The following PPP6C variants were observed in gnomAD, a reference collection of about 807,000 sequenced individuals.
PPP6C encodes serine/threonine-protein phosphatase 6 catalytic subunit.
A neutral mutation model predicts 39.8 loss-of-function variants in PPP6C; 11 were observed. The ratio of observed to expected loss-of-function variants is 0.28; its 90% CI spans 0.17 to 0.46. PPP6C has a LOEUF of 0.46. PPP6C is among the 20% of genes least tolerant of loss of function. The pLI, the probability that PPP6C is intolerant of heterozygous loss-of-function variation, is 1.00. For missense variants in PPP6C, 211 were observed against 373.9 expected (o/e 0.56, Z 3.59); for synonymous variants, 129 against 130.3 (o/e 0.99, Z 0.07).
Position 125,189,742 on chromosome 9 carries a change from A to ACAGCGGCGGCGGCGGCTGTAGCAG in PPP6C, c.-48_-25dup, listed in dbSNP as rs760919683. 1.9e-6 allele frequency: 3 copies of ACAGCGGCGGCGGCGGCTGTAGCAG among 1,563,140 alleles called. No individual in the cohort carries two copies. Among genetic ancestry groups the ACAGCGGCGGCGGCGGCTGTAGCAG allele is most frequent in the East Asian group, 4.8e-5 (2 of 41,498 alleles). On this transcript the variant is annotated 5_prime_UTR_variant, in exon 1 of 7. Coordinates refer to ENST00000373547, the MANE Select transcript of PPP6C (RefSeq NM_002721.5). ...ATTTTAAGAATAACAAGCCGCGGCAACAGCGGCGGCGGCGGCTGTAGCAGC... is the reference window on the plus strand; with the variant it reads ...ATTTTAAGAATAACAAGCCGCGGCAACAGCGGCGGCGGCGGCTGTAGCAGCAGCGGCGGCGGCGGCTGTAGCAGC...
chr9:125,189,547 G>A (rs772796402), intron 1 of PPP6C, 97 bp downstream of exon 1: 17 of 1,574,534 alleles, frequency 1.1e-5, no homozygotes, highest in East Asian at 2.3e-5. Flanking sequence ...CCTCCACCGC[G>A]ACTGGACTGG....
chr9:125,158,639 G>GAA (rs148987834), intron 3 of PPP6C, among the ~76,000 whole-genome samples: 23 of 145,148 alleles, frequency 1.6e-4, no homozygotes, highest in East Asian at 1.2e-3. Flanking sequence ...AACTTTCCCT[G>GAA]AAAAAAAAAA....
At chr9:125,174,418 T>C (rs574634289) in intron 1 of PPP6C, among the ~76,000 whole-genome samples, 49 of 149,864 alleles carry the variant, frequency 3.3e-4, no homozygotes, top group Non-Finnish European at 6.2e-4. Context: ...ATAAAATGAT[T>C]TGCCTTCATT....
chr9:125,167,395 A>G (rs1278423610), intron 2 of PPP6C, among the ~76,000 whole-genome samples: 4 of 146,750 alleles, frequency 2.7e-5, no homozygotes, highest in East Asian at 2.1e-4. Context: ...AAAAAAAAAA[A>G]AAAAGAAATA....
rs139783239 is a variant in PPP6C, at chr9:125,172,095, C to T, written c.76-915G>A. On this transcript the variant is annotated intron_variant, in intron 1 of 6. Coordinates refer to ENST00000373547, the MANE Select transcript of PPP6C (RefSeq NM_002721.5). ...AATACTACTCAGCAATAAAAAGAAA[C>T]GAATACTGCCACACAACAACCTGGA... 3.6e-5 allele frequency: 13 copies of T among 356,680 alleles called. No homozygotes were observed. The East Asian group carries it at 7.0e-4, about 19-fold the overall frequency. The allele number at this position is 356,680 out of a possible 1,614,324, so 22.1% of individuals were successfully genotyped here.
At chr9:125,187,757 A>G (rs1829560824) in intron 1 of PPP6C, among the ~76,000 whole-genome samples, 1 of 151,966 alleles carries the variant, frequency 6.6e-6, no homozygotes, top group African/African-American at 2.4e-5. Flanking sequence ...TTGGGTCCCA[A>G]TGCTAGTTGT....
rs1489640761 is a variant in PPP6C at position 125,147,739 on chromosome 9, G to A, written c.*1934C>T. ...AAGGAGTGTCAAACAGGGAGGGCTGGGAGTTACCGGTTCTATTAGTACAAC... is the reference window on the plus strand; with the variant it reads ...AAGGAGTGTCAAACAGGGAGGGCTGAGAGTTACCGGTTCTATTAGTACAAC... On this transcript the variant is annotated 3_prime_UTR_variant, in exon 7 of 7. Coordinates refer to ENST00000373547, the MANE Select transcript of PPP6C (RefSeq NM_002721.5). 6.6e-6 allele frequency: 1 copy of A among 151,988 alleles called. No homozygotes were observed. The highest frequency in any genetic ancestry group is 2.4e-5 in the African/African-American group (1 of 41,358). 9.4% of individuals were successfully genotyped at this position (151,988 alleles called of 1,614,324 possible).
intron 6 of PPP6C, chr9:125,150,769 G>C (rs1416783470): frequency 1.4e-6 from 1 of 721,172 alleles, no homozygotes; most frequent in Non-Finnish European, 2.5e-6. Flanking sequence ...TAGGAGACCT[G>C]TGTGGAAATT....
chr9:125,177,961 T>G (rs183501372), intron 1 of PPP6C, among the ~76,000 whole-genome samples: 8 of 152,312 alleles, frequency 5.3e-5, no homozygotes, highest in African/African-American at 1.9e-4. Context: ...GGTTCTTCCA[T>G]GTCTTTTTAT....
chr9:125,184,823 T>C (rs925223093), intron 1 of PPP6C, among the ~76,000 whole-genome samples: 1 of 151,192 alleles, frequency 6.6e-6, no homozygotes. Context: ...AAAATATATA[T>C]ATACAAAAAT....
chr9:125,188,327 G>A (rs1384597014), intron 1 of PPP6C, among the ~76,000 whole-genome samples: 2 of 152,134 alleles, frequency 1.3e-5, no homozygotes, highest in Admixed American at 1.3e-4. Flanking sequence ...GGAGGTTGCA[G>A]TGAGCCGAGA....
intron 2 of PPP6C, among the ~76,000 whole-genome samples, chr9:125,168,640 G>C (rs1829077025): frequency 6.6e-6 from 1 of 151,772 alleles, no homozygotes; most frequent in Non-Finnish European, 1.5e-5. Context: ...TGTATTTTTA[G>C]TAGAGACGGG....
chr9:125,168,323 A>C (rs1471757018), intron 2 of PPP6C, among the ~76,000 whole-genome samples: 1 of 152,206 alleles, frequency 6.6e-6, no homozygotes. Context: ...ATGTTTATTC[A>C]TACTCATAAC....
Position 125,171,476 on chromosome 9 carries a change from CACATATATATATATAT to C in PPP6C, c.76-312_76-297del, listed in dbSNP as rs1487283107. 7.3e-3 allele frequency among the ~76,000 whole-genome samples: 418 copies of C among 57,184 alleles called. 4 individuals are homozygous for C. Among genetic ancestry groups the C allele is most frequent in the South Asian group, 9.2e-3 (16 of 1,742 alleles). 37.5% of individuals were successfully genotyped at this position (57,184 alleles called of 152,430 possible). A position where few individuals can be genotyped will look rare whatever the true frequency, so the allele number is the denominator to read the frequency against. The stretch of plus-strand genomic sequence containing the variant: ...ACACACATATACACACACACACACA[CACATATATATATATAT>C]ATATATATATATATATATATATATG... On this transcript the variant is annotated intron_variant, in intron 1 of 6. Coordinates refer to ENST00000373547, the MANE Select transcript of PPP6C (RefSeq NM_002721.5).
intron 1 of PPP6C, among the ~76,000 whole-genome samples, chr9:125,171,474 CACACATATAT>C (rs1429070354): frequency 6.5e-5 from 2 of 30,834 alleles, no homozygotes; most frequent in South Asian, 9.8e-4. Flanking sequence ...CACACACACA[CACACATATAT>C]ATATATATAT....
chr9:125,180,426 T>G (rs1829396633), intron 1 of PPP6C, among the ~76,000 whole-genome samples: 1 of 152,158 alleles, frequency 6.6e-6, no homozygotes, highest in South Asian at 2.1e-4. Flanking sequence ...TGGCCTGTAA[T>G]TTTTTCTTTT....
intron 1 of PPP6C, among the ~76,000 whole-genome samples, chr9:125,181,782 T>C (rs779203744): frequency 6.6e-6 from 1 of 152,210 alleles, no homozygotes; most frequent in Non-Finnish European, 1.5e-5. Flanking sequence ...TGCATCTTTA[T>C]AGTAGAATGA....
chr9:125,189,547 G>T, intron 1 of PPP6C, 97 bp downstream of exon 1: 2 of 1,574,530 alleles, frequency 1.3e-6, no homozygotes, highest in African/African-American at 1.4e-5. Flanking sequence ...CCTCCACCGC[G>T]ACTGGACTGG....
Position 125,153,736 on chromosome 9 carries a change from C to G in PPP6C, c.466G>C (p.Asp156His). The G allele has an allele frequency of 1.2e-6, 2 of 1,613,356 alleles. No homozygotes were observed. The highest frequency in any genetic ancestry group is 1.7e-6 in the Non-Finnish European group (2 of 1,179,914). ...FDMLTVAALI[D>H]EQILCVHGGL... ...CCATGGACACACAAAATCTGCTCATCTATTAACTAGCAAAAAAGGATAACA... is the reference window on the plus strand; with the variant it reads ...CCATGGACACACAAAATCTGCTCATGTATTAACTAGCAAAAAAGGATAACA... Residue 156 changes from aspartate to histidine, a missense_variant, in exon 6 of 7, where the codon GAT becomes CAT. This residue lies in a region of PPP6C where 168 missense variants were observed against 342.6 expected (regional missense o/e 0.49). Coordinates refer to ENST00000373547, the MANE Select transcript of PPP6C (RefSeq NM_002721.5).
Sources: gnomAD v4.1 joint callset for allele counts (sites outside exome capture counted in the v4.1 genomes callset) on GRCh38, gnomAD v4.1.1 for gene constraint, gnomAD v4.1.1 regional missense constraint, MANE v1.5 for transcripts, NCBI Gene and HGNC (gene_info 2026-07-23, HGNC 2026-07-21) for gene names.